TRAPPC9: variants seen among roughly 807,000 people sequenced by gnomAD.
The protein encoded by TRAPPC9 is trafficking protein particle complex subunit 9.
In TRAPPC9, 83 loss-of-function variants were observed where a neutral mutation model predicts 124.0. The ratio of observed to expected loss-of-function variants is 0.67; its 90% confidence interval spans 0.56 to 0.80. The LOEUF (loss-of-function observed/expected upper bound fraction) is 0.80. TRAPPC9 is among the 30% of genes least tolerant of loss of function. TRAPPC9 has a pLI of 0.00. For synonymous variants in TRAPPC9, 638 were observed against 617.5 expected (o/e 1.03, Z -0.49); for missense variants, 1,302 against 1,508.3 (o/e 0.86, Z 2.27).
At chr8:140,183,407 A>C (rs952080976) in intron 17 of TRAPPC9, among the ~76,000 whole-genome samples, 6 of 152,264 alleles carry the variant, frequency 3.9e-5, no homozygotes, top group Admixed American at 1.3e-4. Flanking sequence ...GAATCCACTT[A>C]GGAAAGAGAT....
intron 19 of TRAPPC9, among the ~76,000 whole-genome samples, chr8:139,921,863 C>A (rs1329911525): frequency 6.6e-6 from 1 of 150,960 alleles, no homozygotes; most frequent in Non-Finnish European, 1.5e-5. Flanking sequence ...TCCTCCCCGC[C>A]GCGTCTGGGA....
Position 139,874,645 on chromosome 8 carries a change from C to A in TRAPPC9, c.3055+11234G>T, listed in dbSNP as rs148426469. ...GGCTCACAGGGACAAGCAACTGCAGCTGAGGAAGCCTGGAGCCCAGGTCAC... is the reference window on the plus strand; with the variant it reads ...GGCTCACAGGGACAAGCAACTGCAGATGAGGAAGCCTGGAGCCCAGGTCAC... On this transcript the variant is annotated intron_variant, in intron 21 of 22. Transcript: ENST00000438773. Among the ~76,000 whole-genome samples, 372 of 152,264 alleles carry A rather than the reference C, an allele frequency of 2.4e-3. 3 individuals are homozygous for A. The highest frequency in any genetic ancestry group is 8.1e-3 in the African/African-American group (337 of 41,550).
In TRAPPC9 at chr8:140,197,608, T is replaced by G. The variant is rs571092597; in HGVS notation, c.2556+23851A>C. ...TCTAGATGAAATACAGTGATGTGGG[T>G]TTTAATTTCCTCTTTCCTTACCAGA... On this transcript the variant is annotated intron_variant, in intron 17 of 22. Transcript: ENST00000438773. Among the ~76,000 whole-genome samples the G allele has an allele frequency of 3.3e-3, 505 of 152,172 alleles. 4 individuals are homozygous for G. Among genetic ancestry groups the G allele is most frequent in the African/African-American group, 0.012 (487 of 41,498 alleles).
At chr8:139,999,149 TTAAA>T (rs1281670209) in intron 18 of TRAPPC9, among the ~76,000 whole-genome samples, 13 of 152,100 alleles carry the variant, frequency 8.5e-5, no homozygotes, top group African/African-American at 2.7e-4. Context: ...TATAAATGAC[TTAAA>T]TAGTCTCATT....
chr8:140,401,363 C>T (rs1396657871), intron 6 of TRAPPC9, among the ~76,000 whole-genome samples: 5 of 152,076 alleles, frequency 3.3e-5, no homozygotes, highest in Non-Finnish European at 4.4e-5. Context: ...TTATCACAGA[C>T]GATCAGAAAA....
chr8:139,779,990 C>T (rs1289479341), intron 21 of TRAPPC9, among the ~76,000 whole-genome samples: 2 of 152,060 alleles, frequency 1.3e-5, no homozygotes, highest in African/African-American at 4.8e-5. Context: ...AGGAAAACTA[C>T]AAAACTCTGA....
intron 10 of TRAPPC9, among the ~76,000 whole-genome samples, chr8:140,303,455 CTG>C (rs1418758556): frequency 9.2e-5 from 14 of 152,332 alleles, no homozygotes; most frequent in African/African-American, 3.1e-4. Context: ...TGTGTACACA[CTG>C]TATCATTTTT....
intron 19 of TRAPPC9, among the ~76,000 whole-genome samples, chr8:139,982,052 A>G (rs1587406882): frequency 6.6e-6 from 1 of 152,240 alleles, no homozygotes; most frequent in African/African-American, 2.4e-5. Context: ...TTATGCATAC[A>G]TGAGGGTTGT....
At chr8:140,039,192 G>A (rs1039805819) in intron 17 of TRAPPC9, among the ~76,000 whole-genome samples, 2 of 152,202 alleles carry the variant, frequency 1.3e-5, no homozygotes, top group African/African-American at 4.8e-5. Context: ...ACTGTCCACG[G>A]CCTGTCTGAT....
chr8:139,982,529 T>C (rs1004784272), intron 19 of TRAPPC9, among the ~76,000 whole-genome samples: 8 of 152,234 alleles, frequency 5.3e-5, no homozygotes, highest in East Asian at 3.8e-4. Context: ...GGGTTCCGAA[T>C]GTCATGACCA....
intron 18 of TRAPPC9, among the ~76,000 whole-genome samples, chr8:140,021,508 T>C (rs1054683215): frequency 6.6e-6 from 1 of 152,224 alleles, no homozygotes; most frequent in Non-Finnish European, 1.5e-5. Context: ...AGGAAACAAA[T>C]CTTTTCTATT....
At chr8:140,203,259 C>T (rs1247726683) in intron 17 of TRAPPC9, among the ~76,000 whole-genome samples, 1 of 152,188 alleles carries the variant, frequency 6.6e-6, no homozygotes, top group Non-Finnish European at 1.5e-5. Flanking sequence ...AACACACCCG[C>T]AGGTATTCAT....
rs1055288123 is a variant in TRAPPC9 at position 139,792,845 on chromosome 8, C to T, written c.3056-60643G>A. 7.9e-5 allele frequency among the ~76,000 whole-genome samples: 12 copies of T among 152,242 alleles called. 1 individual carries two copies. The highest frequency in any genetic ancestry group is 7.2e-4 in the Admixed American group (11 of 15,290). On this transcript the variant is annotated intron_variant, in intron 21 of 22. Coordinates refer to ENST00000438773, the MANE Select transcript of TRAPPC9 (RefSeq NM_001160372.4). ...CATCCTACTCGTGCAGGGACGAGAA[C>T]CAACAGCAGTTGGAAAAAACATCAT...
At chr8:139,794,339 A>G (rs1315967398) in intron 21 of TRAPPC9, among the ~76,000 whole-genome samples, 5 of 152,156 alleles carry the variant, frequency 3.3e-5, no homozygotes, top group Non-Finnish European at 4.4e-5. Flanking sequence ...GCTGAACCTC[A>G]GGTACTCGCC....
chr8:140,371,759 A>G (rs2068288480), intron 7 of TRAPPC9, among the ~76,000 whole-genome samples: 1 of 151,936 alleles, frequency 6.6e-6, no homozygotes, highest in African/African-American at 2.4e-5. Flanking sequence ...GCTGGAGTGC[A>G]GTGGTACGAT....
At chr8:140,350,992 C>A (rs116964384) in intron 9 of TRAPPC9, among the ~76,000 whole-genome samples, 11 of 151,722 alleles carry the variant, frequency 7.3e-5, no homozygotes, top group Admixed American at 7.2e-4. Flanking sequence ...GAGGAGATGA[C>A]GGCAAATTAA....
chr8:140,200,299 C>A (rs529912169), intron 17 of TRAPPC9, among the ~76,000 whole-genome samples: 2 of 152,272 alleles, frequency 1.3e-5, no homozygotes, highest in East Asian at 3.9e-4. Flanking sequence ...CGGGACAAGA[C>A]CTTCGTAAAG....
chr8:140,033,670 T>G (rs999242759), intron 17 of TRAPPC9, among the ~76,000 whole-genome samples: 12 of 78,242 alleles, frequency 1.5e-4, no homozygotes, highest in Non-Finnish European at 2.0e-4. Context: ...TTTTTTTTTT[T>G]TTTTTTTTTT....
intron 21 of TRAPPC9, among the ~76,000 whole-genome samples, chr8:139,831,259 G>A (rs1385296222): frequency 1.3e-5 from 2 of 152,178 alleles, no homozygotes; most frequent in African/African-American, 2.4e-5. Flanking sequence ...GGTCTGCTGT[G>A]TCGTGTGTGT....
Sources: allele counts gnomAD v4.1 joint callset (sites outside exome capture counted in the v4.1 genomes callset), GRCh38; gene constraint gnomAD v4.1.1; transcripts MANE v1.5; gene names NCBI Gene and HGNC (gene_info 2026-07-23, HGNC 2026-07-21).